The following PIEZO2 variants were observed in gnomAD, a reference collection of about 807,000 sequenced individuals.
PIEZO2 encodes piezo-type mechanosensitive ion channel component 2.
PIEZO2 carries 172 observed loss-of-function variants against 337.3 expected under a neutral mutation model. The observed-to-expected ratio is 0.51, with a 90% CI of 0.45 to 0.58. PIEZO2 has a LOEUF of 0.58. PIEZO2 is among the 20% of genes least tolerant of loss of function. PIEZO2 has a pLI of 0.00. For missense variants in PIEZO2, 3,028 were observed against 3,391.3 expected (o/e 0.89, Z 2.66); for synonymous variants, 1,251 against 1,228.5 (o/e 1.02, Z -0.38).
At position 11,036,941 on chromosome 18, in the gene PIEZO2, A is replaced by AT. The variant is rs1374572153; in HGVS notation, c.160+29185dup. ...CAGGCACTTCATACTTGCAGTCAGA[A>AT]TTTTTTTTTCTTATTTGTGTGCGTG... On this transcript the variant is annotated intron_variant, in intron 2 of 55. Coordinates refer to ENST00000674853, the MANE Select transcript of PIEZO2 (RefSeq NM_001378183.1). Among the ~76,000 whole-genome samples the AT allele has an allele frequency of 4.0e-5, 6 of 151,662 alleles. No individual in the cohort carries two copies. In the South Asian group the frequency reaches 6.3e-4, roughly 16 times the overall value.
chr18:10,931,238 C>G (rs1356611958), intron 3 of PIEZO2, among the ~76,000 whole-genome samples: 1 of 152,052 alleles, frequency 6.6e-6, no homozygotes, highest in Non-Finnish European at 1.5e-5. Flanking sequence ...CTCTGTTTGT[C>G]GCCCAGGCTG....
Position 11,003,368 on chromosome 18 carries a change from G to A in PIEZO2, c.161-23708C>T, listed in dbSNP as rs2035613830. On this transcript the variant is annotated intron_variant, in intron 2 of 55. Transcript: ENST00000674853. The surrounding 1 kb of genome is among the most constrained non-coding windows in gnomAD (Gnocchi z 4.6). ...GCGGCTTTAAGCAAAACGATGTATA[G>A]CAAAAACAATTAAACCATAGTCGAG... Among the ~76,000 whole-genome samples, 1 of 152,094 alleles carries A rather than the reference G, an allele frequency of 6.6e-6. No homozygotes were observed.
At chr18:11,088,640 T>C (rs1298424794) in intron 1 of PIEZO2, among the ~76,000 whole-genome samples, 2 of 152,036 alleles carry the variant, frequency 1.3e-5, no homozygotes, top group Non-Finnish European at 2.9e-5. Context: ...CTGAAGAGAG[T>C]GTAATGAAGG....
At chr18:10,977,342 A>G (rs956546495) in intron 3 of PIEZO2, among the ~76,000 whole-genome samples, 8 of 151,700 alleles carry the variant, frequency 5.3e-5, no homozygotes, top group Non-Finnish European at 8.8e-5. Flanking sequence ...TAAAAATCTG[A>G]TAAGTTGTGA....
chr18:10,702,204 A>G (rs781771652), intron 42 of PIEZO2, 33 bp from the exon 43 acceptor site: 11 of 1,520,058 alleles, frequency 7.2e-6, no homozygotes, highest in Admixed American at 2.1e-5. Flanking sequence ...TTAAAACATT[A>G]CTCCTTTTAG....
intron 2 of PIEZO2, among the ~76,000 whole-genome samples, chr18:11,013,289 C>G (rs1191620421): frequency 1.3e-5 from 2 of 152,066 alleles, no homozygotes; most frequent in Non-Finnish European, 2.9e-5. Flanking sequence ...GAAGACTAGA[C>G]CAGTCATTGC....
intron 33 of PIEZO2, among the ~76,000 whole-genome samples, chr18:10,737,286 A>AAAAAAAAAAC (rs367796080): frequency 0.33 from 44,185 of 133,182 alleles, 7,855 homozygotes; most frequent in East Asian, 0.53. Flanking sequence ...AAGACATTTG[A>AAAAAAAAAAC]AAAAAAAAAA....
chr18:10,829,752 A>G (rs1346936959), intron 7 of PIEZO2, among the ~76,000 whole-genome samples: 1 of 152,194 alleles, frequency 6.6e-6, no homozygotes. Context: ...AATGTGAAAG[A>G]TCTCTACAAT....
rs1333552354 is a variant in PIEZO2, at chr18:10,833,151, A to G, written c.917+22202T>C. Among the ~76,000 whole-genome samples, 1 of 152,118 alleles carries G rather than the reference A, an allele frequency of 6.6e-6. No homozygotes were observed. The highest frequency in any genetic ancestry group is 1.5e-5 in the Non-Finnish European group (1 of 68,006). ...CTTTTCCTGGCAGAGAGGCAGCAAC[A>G]CCCAAGGAACACAGTGGCAGGATGG... On this transcript the variant is annotated intron_variant, in intron 7 of 55. Transcript: ENST00000674853. The surrounding 1 kb of genome is among the most constrained non-coding windows in gnomAD (Gnocchi z 4.7).
chr18:10,984,542 C>T (rs988814894), intron 2 of PIEZO2, among the ~76,000 whole-genome samples: 1 of 151,816 alleles, frequency 6.6e-6, no homozygotes, highest in Non-Finnish European at 1.5e-5. Context: ...AGTAGAGGAA[C>T]AAGCACACAA....
At chr18:10,849,767 T>C (rs989762479) in intron 7 of PIEZO2, among the ~76,000 whole-genome samples, 2 of 152,224 alleles carry the variant, frequency 1.3e-5, no homozygotes, top group East Asian at 3.8e-4. Context: ...ATACAAAACC[T>C]TTGGAAGAAA....
At chr18:10,868,706 T>C (rs1157799698) in intron 5 of PIEZO2, among the ~76,000 whole-genome samples, 1 of 152,246 alleles carries the variant, frequency 6.6e-6, no homozygotes, top group Non-Finnish European at 1.5e-5. Context: ...GGAAGTGAAG[T>C]ATCCTAAATC....
chr18:10,958,017 T>C (rs907343438), intron 3 of PIEZO2, among the ~76,000 whole-genome samples: 92 of 152,112 alleles, frequency 6.0e-4, no homozygotes, highest in Admixed American at 3.1e-3. Context: ...AGATAACAAA[T>C]GTTGGAAAGA....
Position 10,724,165 on chromosome 18 carries a change from G to T in PIEZO2, c.5030-5906C>A, listed in dbSNP as rs572044984. On this transcript the variant is annotated intron_variant, in intron 36 of 55. Transcript: ENST00000674853. The surrounding 1 kb of genome is among the most constrained non-coding windows in gnomAD (Gnocchi z 5.8). The stretch of plus-strand genomic sequence containing the variant: ...TGCCTTCAGGAGCTCAGGCTTAGAG[G>T]ATTCCAGTAACCACCATCTAGGTGG... Among the ~76,000 whole-genome samples, 1 of 152,144 alleles carries T rather than the reference G, an allele frequency of 6.6e-6. No homozygotes were observed. The highest frequency in any genetic ancestry group is 1.5e-5 in the Non-Finnish European group (1 of 68,018).
intron 4 of PIEZO2, among the ~76,000 whole-genome samples, chr18:10,897,781 C>T (rs1568177006): frequency 2.0e-5 from 3 of 152,226 alleles, no homozygotes; most frequent in East Asian, 3.8e-4. Flanking sequence ...AACCAACAAA[C>T]TGTAACTATT....
In PIEZO2 at chr18:10,962,345, TC is replaced by T. The variant is rs2033818161; in HGVS notation, c.286+17189del. Among the ~76,000 whole-genome samples, 1 of 152,114 alleles carries T rather than the reference TC, an allele frequency of 6.6e-6. No individual in the cohort carries two copies. Among genetic ancestry groups the T allele is most frequent in the Admixed American group, 6.6e-5 (1 of 15,264 alleles). ...TGGTCACTCACGGCCCTCCCTCGGC[TC>T]CCCACAGCCTCATACTCACAACTGG... On this transcript the variant is annotated intron_variant, in intron 3 of 55. Transcript: ENST00000674853. The surrounding 1 kb of genome is among the most constrained non-coding windows in gnomAD (Gnocchi z 4.1).
At position 10,763,135 on chromosome 18, in the gene PIEZO2, G is replaced by A. The variant is rs186047520; in HGVS notation, c.2947-37C>T. The A allele has an allele frequency of 1.2e-4, 190 of 1,520,046 alleles. No individual in the cohort carries two copies. In the African/African-American group the frequency reaches 1.9e-3, roughly 16 times the overall value. 94.2% of individuals were successfully genotyped at this position (1,520,046 alleles called of 1,614,324 possible). On this transcript the variant is annotated intron_variant, in intron 21 of 55. Transcript: ENST00000674853. ...AAACCAGAAATGGGGACAAAAATAC[G>A]TAACACGGCATAACAAACAGGACAG...
At chr18:11,045,295 CAAAA>C (rs58924653) in intron 2 of PIEZO2, among the ~76,000 whole-genome samples, 12 of 52,342 alleles carry the variant, frequency 2.3e-4, no homozygotes, top group East Asian at 9.1e-4. Context: ...GACTCCGTCT[CAAAA>C]AAAAAAAAAA....
intron 1 of PIEZO2, among the ~76,000 whole-genome samples, chr18:11,107,633 C>T (rs1259026030): frequency 2.0e-5 from 3 of 152,144 alleles, no homozygotes; most frequent in Admixed American, 6.5e-5. Context: ...CTGAGACTCA[C>T]GTTTAATATT....
Sources: gnomAD v4.1 joint callset for allele counts (sites outside exome capture counted in the v4.1 genomes callset) on GRCh38, gnomAD v4.1.1 for gene constraint, Gnocchi (gnomAD v3.1) non-coding constraint, MANE v1.5 for transcripts, NCBI Gene and HGNC (gene_info 2026-07-23, HGNC 2026-07-21) for gene names.